Variants in BDP1 observed in about 807,000 individuals in gnomAD.
BDP1 encodes transcription factor TFIIIB component B'' homolog.
In BDP1, 169 loss-of-function variants were observed where a neutral mutation model predicts 266.6. The observed-to-expected ratio is 0.63, with a 90% CI of 0.56 to 0.72. The LOEUF (loss-of-function observed/expected upper bound fraction) is 0.72. Ranked by LOEUF, BDP1 falls within the 30% of genes least tolerant of loss-of-function variation. BDP1 has a pLI of 0.00. For synonymous variants in BDP1, 1,090 were observed against 1,022.4 expected, an observed-to-expected ratio of 1.07 and a Z score of -1.26; for missense variants, 3,015 against 3,053.8, an observed-to-expected ratio of 0.99 and a Z score of 0.30.
chr5:71,486,605 C>T lies in BDP1; in HGVS notation c.1191C>T (p.Thr397=). The stretch of plus-strand genomic sequence containing the variant: ...ACAGTTTAAAGGAGAAGAAATCCAC[C>T]AAACCACGGAAAAATGTAAAAGGTA... ...KNHSLKEKKS[T]KPRKNVKVKK... Residue 397 remains threonine, a synonymous_variant, in exon 9 of 39, where the codon ACC becomes ACT. Transcript: ENST00000358731. 1 of 1,525,598 alleles carries T rather than the reference C, an allele frequency of 6.6e-7. No individual in the cohort carries two copies. The highest frequency in any genetic ancestry group is 2.6e-5 in the Admixed American group (1 of 37,752). The allele number at this position is 1,525,598 out of a possible 1,614,324, so 94.5% of individuals were successfully genotyped here. A position where few individuals can be genotyped will look rare whatever the true frequency, so the allele number is the denominator to read the frequency against.
At chr5:71,575,511 A>G in the BDP1 span, among the ~76,000 whole-genome samples, 1 of 152,210 alleles carries the variant, frequency 6.6e-6, no homozygotes, top group Non-Finnish European at 1.5e-5. Context: ...AAAGTCCAGA[A>G]GTTGGTGACT....
rs780495313 is a variant in BDP1, at chr5:71,483,895, C to T, written c.1068C>T (p.Phe356=). Residue 356 remains phenylalanine, a splice_region_variant and synonymous_variant, in exon 8 of 39, where the codon TTC becomes TTT. Transcript: ENST00000358731. Reference sequence around the variant, plus strand: ...ATGGATGGAGAATAGACAAAGCATTCCGTAAGTATTAAGACCTCTTTTACA... The same window carrying T: ...ATGGATGGAGAATAGACAAAGCATTTCGTAAGTATTAAGACCTCTTTTACA... ...KTNGWRIDKA[F]QEKRPFDFDF... is the part of the protein sequence containing the mutation. The T allele has an allele frequency of 1.2e-6, 2 of 1,607,502 alleles. No individual in the cohort carries two copies. Among genetic ancestry groups the T allele is most frequent in the South Asian group, 2.2e-5 (2 of 90,762 alleles).
intron 13 of BDP1, among the ~76,000 whole-genome samples, chr5:71,499,398 C>G (rs1764095379): frequency 1.3e-5 from 2 of 152,224 alleles, no homozygotes; most frequent in South Asian, 2.1e-4. Context: ...TGGTGGCTTA[C>G]TTTAGGCCAG....
rs534193632 is a variant in BDP1, at chr5:71,455,832, C to A, written c.-46C>A. On this transcript the variant is annotated 5_prime_UTR_variant, in exon 1 of 39. It adds an upstream start codon to the 5' untranslated region. Coordinates refer to ENST00000358731, the MANE Select transcript of BDP1 (RefSeq NM_018429.3). ...TCCGGGCAGCCGCCGGGGCTCGGGGCTGTGAGCGGCCGTGAGGCTGCCTCC... is the reference window on the plus strand; with the variant it reads ...TCCGGGCAGCCGCCGGGGCTCGGGGATGTGAGCGGCCGTGAGGCTGCCTCC... 1.6e-5 allele frequency: 24 copies of A among 1,508,810 alleles called. No homozygotes were observed. Among genetic ancestry groups the A allele is most frequent in the African/African-American group, 2.8e-5 (2 of 72,188 alleles). 93.5% of individuals were successfully genotyped at this position (1,508,810 alleles called of 1,614,324 possible). A position where few individuals can be genotyped will look rare whatever the true frequency, so the allele number is the denominator to read the frequency against.
At chr5:71,537,561 TTC>T (rs1308471327) in intron 26 of BDP1, 2 of 157,020 alleles carry the variant, frequency 1.3e-5, no homozygotes, top group South Asian at 2.0e-4. Flanking sequence ...TTGGCTTTTT[TTC>T]TCTCTGGGCT....
chr5:71,468,459 T>A (rs1762037960), intron 6 of BDP1, among the ~76,000 whole-genome samples: 1 of 151,434 alleles, frequency 6.6e-6, no homozygotes, highest in Non-Finnish European at 1.5e-5. Context: ...AGAAATTTTT[T>A]TTTTTTTTTA....
chr5:71,538,545 T>A (rs977105504), intron 26 of BDP1, among the ~76,000 whole-genome samples: 3 of 152,250 alleles, frequency 2.0e-5, no homozygotes, highest in African/African-American at 7.2e-5. Context: ...GTTTTGTTTT[T>A]AAAATCAGTT....
chr5:71,481,238 T>C (rs1762943495), intron 7 of BDP1, among the ~76,000 whole-genome samples: 1 of 151,388 alleles, frequency 6.6e-6, no homozygotes. Context: ...GTCTGGATTA[T>C]GTTTTTTCTT....
At chr5:71,490,840 A>T in intron 10 of BDP1, 144 bp from the exon 11 acceptor site, 1 of 740,234 alleles carries the variant, frequency 1.4e-6, no homozygotes. Flanking sequence ...ATGGTCTAAA[A>T]ATAAGATGTG....
At chr5:71,531,298 C>G (rs1163980343) in intron 25 of BDP1, among the ~76,000 whole-genome samples, 2 of 152,050 alleles carry the variant, frequency 1.3e-5, no homozygotes, top group African/African-American at 4.8e-5. Flanking sequence ...AAGAACCAGA[C>G]TATATTGTAT....
Position 71,564,883 on chromosome 5 carries a change from T to G in BDP1, c.7873T>G (p.Ter2625GluextTer11), listed in dbSNP as rs199721728. 990 of 1,583,314 alleles carry G rather than the reference T, an allele frequency of 6.3e-4. 3 individuals are homozygous for G. Among genetic ancestry groups the G allele is most frequent in the Middle Eastern group, 2.3e-3 (10 of 4,284 alleles). ...DIFIEVDETE[*>E] ...CTTCATTGAAGTGGATGAAACAGAA[T>G]AAAACAATCTTTTCTCTTTTTCTTT... The change falls in exon 39 of 39, where the codon TAA (stop) becomes GAA (glutamate). Residue 2625 changes from the stop codon to glutamate (E), a stop_lost. Coordinates refer to ENST00000358731, the MANE Select transcript of BDP1 (RefSeq NM_018429.3).
intron 25 of BDP1, 35 bp from the exon 26 acceptor site, chr5:71,532,273 T>G (rs1177987074): frequency 1.2e-6 from 2 of 1,603,142 alleles, no homozygotes; most frequent in South Asian, 2.2e-5. Context: ...GTTTATAATA[T>G]GCCAAAATGA....
chr5:71,540,890 A>T (rs529821352), intron 28 of BDP1, among the ~76,000 whole-genome samples: 1 of 152,174 alleles, frequency 6.6e-6, no homozygotes, highest in South Asian at 2.1e-4. Flanking sequence ...GTGAGCTGAG[A>T]TCGCACCACT....
In BDP1 at chr5:71,564,765, TC is replaced by T; in HGVS notation, c.7756del (p.Gln2586SerfsTer4). 1 of 1,601,914 alleles carries T rather than the reference TC, an allele frequency of 6.2e-7. No homozygotes were observed. The highest frequency in any genetic ancestry group is 1.8e-5 in the Admixed American group (1 of 56,326). On this transcript the variant is annotated frameshift_variant, in exon 39 of 39. Transcript: ENST00000358731. LOFTEE classifies it high-confidence loss of function. ...TATTACCTTTTTAGGTTTCTTGTGA[TC>T]AGCCCTTACTGAAAGAAGGATATAA... The part of the protein sequence containing the change: ...SSSATQVSCD[Q>X]PLLKEGYKSA...
At position 71,510,789 on chromosome 5, in the gene BDP1, G is replaced by A; in HGVS notation, c.3697G>A (p.Glu1233Lys). Reference sequence around the variant, plus strand: ...GACAGATTTGAAAGAAATTAGAGAAGAAATTTCCCAAAGGGAAAAGGTGCT... The same window carrying A: ...GACAGATTTGAAAGAAATTAGAGAAAAAATTTCCCAAAGGGAAAAGGTGCT... ...METDLKEIRE[E>K]ISQREKVLAE... is the part of the protein sequence containing the mutation. The change falls in exon 17 of 39, where the codon GAA (glutamate) becomes AAA (lysine). Residue 1233 changes from glutamate (E) to lysine (K), a missense_variant. Glu to Lys is a moderately conservative substitution (Grantham distance 56). Coordinates refer to ENST00000358731, the MANE Select transcript of BDP1 (RefSeq NM_018429.3). 6.2e-7 allele frequency: 1 copy of A among 1,613,786 alleles called. No homozygotes were observed. Among genetic ancestry groups the A allele is most frequent in the Middle Eastern group, 1.6e-4 (1 of 6,062 alleles).
intron 26 of BDP1, among the ~76,000 whole-genome samples, chr5:71,535,720 C>T (rs1006874029): frequency 6.6e-6 from 1 of 152,144 alleles, no homozygotes; most frequent in Non-Finnish European, 1.5e-5. Flanking sequence ...TGCCTTTCTC[C>T]TGCCTTCTGG....
At chr5:71,483,695 G>T in intron 7 of BDP1, 147 bp from the exon 8 acceptor site, 1 of 617,426 alleles carries the variant, frequency 1.6e-6, no homozygotes, top group Non-Finnish European at 2.9e-6. Context: ...AAAGCCGAAG[G>T]TTTAAGTAAC....
Position 71,551,757 on chromosome 5 carries a change from C to T in BDP1, c.6996-1359C>T, listed in dbSNP as rs534875446. On this transcript the variant is annotated intron_variant, in intron 34 of 38. Coordinates refer to ENST00000358731, the MANE Select transcript of BDP1 (RefSeq NM_018429.3). ...GGTGCCCCTCACCTCCCGGACGGGG[C>T]GGCTGGCCGGGAGGGGGGCTGACCC... Among the ~76,000 whole-genome samples the T allele has an allele frequency of 3.4e-3, 503 of 150,132 alleles. 3 individuals are homozygous for T. Among genetic ancestry groups the T allele is most frequent in the African/African-American group, 0.012 (477 of 40,924 alleles).
intron 1 of BDP1, among the ~76,000 whole-genome samples, chr5:71,458,220 A>G (rs1283374090): frequency 2.0e-5 from 3 of 152,134 alleles, no homozygotes; most frequent in Non-Finnish European, 4.4e-5. Context: ...AATTTTATAT[A>G]GAAATTAATT....
Sources: allele counts gnomAD v4.1 joint callset (sites outside exome capture counted in the v4.1 genomes callset), GRCh38; gene constraint gnomAD v4.1.1; transcripts MANE v1.5; gene names NCBI Gene and HGNC (gene_info 2026-07-23, HGNC 2026-07-21).